The following CACNG2 variants were observed in gnomAD, a reference collection of about 807,000 sequenced individuals.
CACNG2 encodes voltage-dependent calcium channel gamma-2 subunit.
CACNG2 carries 3 observed loss-of-function variants against 25.9 expected under a neutral mutation model. That is an observed-to-expected ratio of 0.12 (90% confidence interval 0.05 to 0.30). CACNG2 has a LOEUF of 0.30. Ranked by LOEUF, CACNG2 falls within the 10% of genes least tolerant of loss-of-function variation. The pLI is 1.00. For synonymous variants in CACNG2, 167 were observed against 173.3 expected (o/e 0.96, Z 0.29); for missense variants, 341 against 432.5 (o/e 0.79, Z 1.88).
intron 1 of CACNG2, among the ~76,000 whole-genome samples, chr22:36,595,821 C>T (rs1182041241): frequency 3.3e-5 from 5 of 152,212 alleles, no homozygotes; most frequent in Non-Finnish European, 7.4e-5. Flanking sequence ...CCCCACCAAC[C>T]GCCAGGCTGA....
At chr22:36,680,716 C>T (rs1937108631) in intron 1 of CACNG2, among the ~76,000 whole-genome samples, 1 of 144,820 alleles carries the variant, frequency 6.9e-6, no homozygotes, top group Admixed American at 6.9e-5. Flanking sequence ...CCACCATCAC[C>T]ATCACCACTA....
chr22:36,702,470 G>C lies in CACNG2; in HGVS notation c.107C>G (p.Ser36Cys). 1 of 1,614,012 alleles carries C rather than the reference G, an allele frequency of 6.2e-7. No homozygotes were observed. Among genetic ancestry groups the C allele is most frequent in the East Asian group, 2.2e-5 (1 of 44,882 alleles). The change falls in exon 1 of 4, where the codon TCC (serine) becomes TGC (cysteine). Residue 36 changes from serine to cysteine, a missense_variant. Physicochemically the swap from Ser to Cys is moderately radical, Grantham distance 112. Around this residue, in one of 2 missense-constraint regions of CACNG2, gnomAD observed 169 missense variants for 254.4 expected, o/e 0.66. Coordinates refer to ENST00000300105, the MANE Select transcript of CACNG2 (RefSeq NM_006078.5). ...ACTTTTGGTCTTGCAAACCCCTCTG[G>C]AGTAGAGCCAATAGTCGGTTCCCAC... ...IAVGTDYWLY[S>C]RGVCKTKSVS...
chr22:36,576,188 T>C (rs1406457809), intron 2 of CACNG2, among the ~76,000 whole-genome samples: 1 of 152,226 alleles, frequency 6.6e-6, no homozygotes, highest in South Asian at 2.1e-4. Context: ...GATGGAATAC[T>C]ACTCAGCAAT....
intron 1 of CACNG2, among the ~76,000 whole-genome samples, chr22:36,700,580 C>T (rs537395090): frequency 6.6e-6 from 1 of 152,330 alleles, no homozygotes; most frequent in African/African-American, 2.4e-5. Flanking sequence ...TCCTCATTCA[C>T]TTTGCTTTTC....
intron 1 of CACNG2, among the ~76,000 whole-genome samples, chr22:36,683,556 T>G (rs1348725405): frequency 2.0e-5 from 3 of 152,214 alleles, no homozygotes; most frequent in Non-Finnish European, 4.4e-5. Context: ...CAGTCATTCC[T>G]GTTATGACAA....
chr22:36,617,134 T>C lies in CACNG2; in HGVS notation c.212-29586A>G, dbSNP rs10427598. 4.8e-3 allele frequency among the ~76,000 whole-genome samples: 737 copies of C among 152,292 alleles called. 6 individuals carry two copies. The highest frequency in any genetic ancestry group is 0.017 in the African/African-American group (718 of 41,570). On this transcript the variant is annotated intron_variant, in intron 1 of 3. Transcript: ENST00000300105. Reference sequence around the variant, plus strand: ...GAGACCTTGAACATGACTAGGAACTTGCTAGACCAGGTCATGGGGGTGGGG... The same window carrying C: ...GAGACCTTGAACATGACTAGGAACTCGCTAGACCAGGTCATGGGGGTGGGG...
rs1935078637 is a variant in CACNG2, at chr22:36,564,109, A to G, written c.*242T>C. The G allele has an allele frequency of 2.7e-6, 1 of 368,430 alleles. No homozygotes were observed. The highest frequency in any genetic ancestry group is 2.3e-5 in the African/African-American group (1 of 43,614). 22.8% of individuals were successfully genotyped at this position (368,430 alleles called of 1,614,324 possible). A position where few individuals can be genotyped will look rare whatever the true frequency, so the allele number is the denominator to read the frequency against. On this transcript the variant is annotated 3_prime_UTR_variant, in exon 4 of 4. Coordinates refer to ENST00000300105, the MANE Select transcript of CACNG2 (RefSeq NM_006078.5). This position sits in a 1 kb window ranked among gnomAD's most constrained non-coding sequence, Gnocchi z 6.7. Reference sequence around the variant, plus strand: ...TCTTCCCTCGTTTATATTTTCCCACATTTCCTGTTGTTTTGCTTCTTTGTT... The same window carrying G: ...TCTTCCCTCGTTTATATTTTCCCACGTTTCCTGTTGTTTTGCTTCTTTGTT...
chr22:36,674,991 T>A (rs1937002354), intron 1 of CACNG2, among the ~76,000 whole-genome samples: 1 of 152,226 alleles, frequency 6.6e-6, no homozygotes, highest in Admixed American at 6.5e-5. Context: ...TGGCACATAG[T>A]AAGTGTTCAA....
At chr22:36,679,962 C>A (rs1285816890) in intron 1 of CACNG2, among the ~76,000 whole-genome samples, 1 of 152,032 alleles carries the variant, frequency 6.6e-6, no homozygotes, top group Non-Finnish European at 1.5e-5. Flanking sequence ...TCACCACCTG[C>A]ATCACAATCA....
intron 1 of CACNG2, among the ~76,000 whole-genome samples, chr22:36,650,221 C>T (rs1936587245): frequency 6.6e-6 from 1 of 152,214 alleles, no homozygotes; most frequent in African/African-American, 2.4e-5. Context: ...GGACTCCCAC[C>T]TTACTCAGAG....
chr22:36,600,477 A>G (rs998626123), intron 1 of CACNG2, among the ~76,000 whole-genome samples: 9 of 151,896 alleles, frequency 5.9e-5, no homozygotes, highest in African/African-American at 2.2e-4. Context: ...GAAACTTTAT[A>G]GCCAAGCCTA....
intron 1 of CACNG2, among the ~76,000 whole-genome samples, chr22:36,628,699 T>A (rs2145956165): frequency 6.6e-6 from 1 of 152,254 alleles, no homozygotes; most frequent in African/African-American, 2.4e-5. Context: ...TAGAAAGCTC[T>A]GATTGTTTGG....
chr22:36,564,107 A>C lies in CACNG2; in HGVS notation c.*244T>G, dbSNP rs1057006020. ...TTTCTTCCCTCGTTTATATTTTCCC[A>C]CATTTCCTGTTGTTTTGCTTCTTTG... is the stretch of plus-strand genomic sequence containing the variant. On this transcript the variant is annotated 3_prime_UTR_variant, in exon 4 of 4. Coordinates refer to ENST00000300105, the MANE Select transcript of CACNG2 (RefSeq NM_006078.5). The surrounding 1 kb of genome is among the most constrained non-coding windows in gnomAD (Gnocchi z 6.7). 3.0e-5 allele frequency: 11 copies of C among 370,402 alleles called. No homozygotes were observed. Among genetic ancestry groups the C allele is most frequent in the African/African-American group, 2.0e-4 (9 of 44,600 alleles). The allele number at this position is 370,402 out of a possible 1,614,324, so 22.9% of individuals were successfully genotyped here. A position where few individuals can be genotyped will look rare whatever the true frequency, so the allele number is the denominator to read the frequency against.
At position 36,564,064 on chromosome 22, in the gene CACNG2, CT is replaced by C. The variant is rs1369276977; in HGVS notation, c.*286del. ...TATTTTTAATTTTTTATCCCTCTCG[CT>C]TTTTTTTAAAGTTTGTTTTCTTCCC... On this transcript the variant is annotated 3_prime_UTR_variant, in exon 4 of 4. Coordinates refer to ENST00000300105, the MANE Select transcript of CACNG2 (RefSeq NM_006078.5). The surrounding 1 kb of genome is among the most constrained non-coding windows in gnomAD (Gnocchi z 6.7). 12 of 299,986 alleles carry C rather than the reference CT, an allele frequency of 4.0e-5. No homozygotes were observed. Among genetic ancestry groups the C allele is most frequent in the East Asian group, 1.1e-4 (2 of 17,442 alleles). The allele number at this position is 299,986 out of a possible 1,614,324, so 18.6% of individuals were successfully genotyped here. A position where few individuals can be genotyped will look rare whatever the true frequency, so the allele number is the denominator to read the frequency against.
chr22:36,702,229 A>G lies in CACNG2; in HGVS notation c.211+137T>C, dbSNP rs143775430. 14 of 658,386 alleles carry G rather than the reference A, an allele frequency of 2.1e-5. No homozygotes were observed. In the East Asian group the frequency reaches 3.9e-4, roughly 18 times the overall value. 40.8% of individuals were successfully genotyped at this position (658,386 alleles called of 1,614,324 possible). A position where few individuals can be genotyped will look rare whatever the true frequency, so the allele number is the denominator to read the frequency against. On this transcript the variant is annotated intron_variant, in intron 1 of 3. Transcript: ENST00000300105. Reference sequence around the variant, plus strand: ...CTTTCCTCTGAAACTAACCCAACCAACCTTGATTGGTGGTGGAAGGAGTGA... The same window carrying G: ...CTTTCCTCTGAAACTAACCCAACCAGCCTTGATTGGTGGTGGAAGGAGTGA...
rs200307496 is a variant in CACNG2 at position 36,668,494 on chromosome 22, T to TC, written c.211+33871_211+33872insG. On this transcript the variant is annotated intron_variant, in intron 1 of 3. Coordinates refer to ENST00000300105, the MANE Select transcript of CACNG2 (RefSeq NM_006078.5). ...ACGCCTGAGAACGAGGGGAGTGAAT[T>TC]TTTTTTTTTTTTGAGATAGGATCTT... Among the ~76,000 whole-genome samples the TC allele has an allele frequency of 9.7e-3, 856 of 88,318 alleles. 5 individuals are homozygous for TC. Among genetic ancestry groups the TC allele is most frequent in the African/African-American group, 0.027 (817 of 29,778 alleles). The allele number at this position is 88,318 out of a possible 152,430, so 57.9% of individuals were successfully genotyped here. A position where few individuals can be genotyped will look rare whatever the true frequency, so the allele number is the denominator to read the frequency against.
chr22:36,679,235 T>TTTCC (rs1937063555), intron 1 of CACNG2, among the ~76,000 whole-genome samples: 1 of 148,462 alleles, frequency 6.7e-6, no homozygotes, highest in African/African-American at 2.5e-5. Context: ...TCTTTCCTTC[T>TTTCC]TTCTTTCTTT....
At position 36,659,919 on chromosome 22, in the gene CACNG2, C is replaced by T. The variant is rs557636209; in HGVS notation, c.211+42447G>A. On this transcript the variant is annotated intron_variant, in intron 1 of 3. Transcript: ENST00000300105. Reference sequence around the variant, plus strand: ...GTCCCCTAGAAGAGCCTGACTCATTCGCCTTGGCTCCCTGCCACCAGAGCT... The same window carrying T: ...GTCCCCTAGAAGAGCCTGACTCATTTGCCTTGGCTCCCTGCCACCAGAGCT... Among the ~76,000 whole-genome samples, 17 of 152,120 alleles carry T rather than the reference C, an allele frequency of 1.1e-4. 1 individual carries two copies. In the South Asian group the frequency reaches 3.3e-3, roughly 30 times the overall value.
intron 2 of CACNG2, among the ~76,000 whole-genome samples, chr22:36,569,786 G>A (rs928138280): frequency 2.6e-5 from 4 of 152,030 alleles, no homozygotes; most frequent in African/African-American, 4.8e-5. Context: ...GTGATCCACC[G>A]GCCTCGGCCT....
Sources: allele counts gnomAD v4.1 joint callset (sites outside exome capture counted in the v4.1 genomes callset), GRCh38; gene constraint gnomAD v4.1.1; regional missense constraint gnomAD v4.1.1; non-coding constraint Gnocchi (gnomAD v3.1); transcripts MANE v1.5; gene names NCBI Gene and HGNC (gene_info 2026-07-23, HGNC 2026-07-21).